The following INPP4A variants were observed in gnomAD, a reference collection of about 807,000 sequenced individuals.
INPP4A encodes inositol polyphosphate-4-phosphatase type I A, also known as inositol polyphosphate-4-phosphatase, type I, 107kD.
In INPP4A, 33 loss-of-function variants were observed where a neutral mutation model predicts 119.8. The observed-to-expected ratio is 0.28, with a 90% CI of 0.21 to 0.37. INPP4A has a LOEUF of 0.37. INPP4A is among the 10% of genes least tolerant of loss of function. INPP4A has a pLI of 1.00. For synonymous variants in INPP4A, 496 were observed against 500.7 expected (o/e 0.99, Z 0.12); for missense variants, 956 against 1,289.9 (o/e 0.74, Z 3.97).
chr2:98,581,355 C>T (rs772184560), intron 24 of INPP4A, among the ~76,000 whole-genome samples: 1 of 152,046 alleles, frequency 6.6e-6, no homozygotes. Flanking sequence ...TTTCCTGTAA[C>T]TGTGCTGGTT....
chr2:98,492,833 A>G (rs1681117443), intron 1 of INPP4A, among the ~76,000 whole-genome samples: 1 of 152,246 alleles, frequency 6.6e-6, no homozygotes, highest in South Asian at 2.1e-4. Flanking sequence ...TTTGCCAAGT[A>G]CTGACTTTGG....
At chr2:98,494,225 C>T (rs78492741) in intron 1 of INPP4A, among the ~76,000 whole-genome samples, 2,353 of 152,258 alleles carry the variant, frequency 0.015, 69 homozygotes, top group African/African-American at 0.054. Context: ...TGTCAGCATC[C>T]CCCTACCTCC....
intron 16 of INPP4A, 116 bp from the exon 17 acceptor site, chr2:98,559,347 T>C: frequency 8.5e-7 from 1 of 1,177,280 alleles, no homozygotes. Flanking sequence ...CTCTTTTCTG[T>C]TTGTTAGCCG....
chr2:98,451,240 G>C (rs1383980581), intron 1 of INPP4A, among the ~76,000 whole-genome samples: 1 of 152,194 alleles, frequency 6.6e-6, no homozygotes, highest in Non-Finnish European at 1.5e-5. Context: ...TTTGCCCACA[G>C]CCCTAACCTG....
intron 1 of INPP4A, among the ~76,000 whole-genome samples, chr2:98,461,416 C>T (rs1697132879): frequency 3.9e-5 from 6 of 152,220 alleles, no homozygotes; most frequent in Admixed American, 3.9e-4. Flanking sequence ...TGCAGGGGTG[C>T]CTGCCCCAGA....
At position 98,544,046 on chromosome 2, in the gene INPP4A, CA is replaced by C. The variant is rs758093220; in HGVS notation, c.949+40del. 345 of 605,562 alleles carry C rather than the reference CA, an allele frequency of 5.7e-4. No individual in the cohort carries two copies. In the African/African-American group the frequency reaches 8.6e-3, roughly 15 times the overall value. The allele number at this position is 605,562 out of a possible 1,614,324, so 37.5% of individuals were successfully genotyped here. A position where few individuals can be genotyped will look rare whatever the true frequency, so the allele number is the denominator to read the frequency against. ...CATGCTGTCACCACACACGCGTGCG[CA>C]CACACACACACACACACTCTCACTC... On this transcript the variant is annotated intron_variant, in intron 11 of 24. Coordinates refer to ENST00000409851, the MANE Select transcript of INPP4A (RefSeq NM_001134225.2).
chr2:98,544,164 T>A (rs1216266409), intron 11 of INPP4A, among the ~76,000 whole-genome samples, 157 bp downstream of exon 11: 1 of 152,238 alleles, frequency 6.6e-6, no homozygotes, highest in Admixed American at 6.5e-5. Flanking sequence ...AATGGATTTT[T>A]AAAAATAACT....
intron 11 of INPP4A, 40 bp from the exon 12 acceptor site, chr2:98,545,929 T>C (rs759612763): frequency 2.1e-6 from 3 of 1,396,998 alleles, no homozygotes; most frequent in Admixed American, 4.2e-5. Context: ...ATGCAGCATG[T>C]ATGCTGATGG....
At chr2:98,514,497 G>A (rs1428529079) in intron 1 of INPP4A, among the ~76,000 whole-genome samples, 1 of 152,130 alleles carries the variant, frequency 6.6e-6, no homozygotes, top group African/African-American at 2.4e-5. Context: ...CCCATGATTA[G>A]AGGGCTGGAA....
At chr2:98,479,872 C>T (rs1179185210) in intron 1 of INPP4A, among the ~76,000 whole-genome samples, 2 of 152,178 alleles carry the variant, frequency 1.3e-5, no homozygotes, top group Non-Finnish European at 2.9e-5. Flanking sequence ...TCAGCTCTCC[C>T]TTGGGCTGTG....
At chr2:98,523,210 A>G (rs1393577289) in intron 4 of INPP4A, among the ~76,000 whole-genome samples, 1 of 152,228 alleles carries the variant, frequency 6.6e-6, no homozygotes, top group Non-Finnish European at 1.5e-5. Flanking sequence ...GACAGTTGGT[A>G]TAATTGAGTT....
intron 4 of INPP4A, among the ~76,000 whole-genome samples, chr2:98,526,281 A>G (rs770576281): frequency 2.6e-5 from 4 of 152,224 alleles, no homozygotes; most frequent in African/African-American, 9.6e-5. Flanking sequence ...AAGTTGTGCT[A>G]TCTTGTTTTG....
chr2:98,485,623 A>G (rs1304972115), intron 1 of INPP4A, among the ~76,000 whole-genome samples: 3 of 152,058 alleles, frequency 2.0e-5, no homozygotes, highest in African/African-American at 7.2e-5. Flanking sequence ...TCTGGTGGTG[A>G]GAACCCAGCT....
intron 24 of INPP4A, among the ~76,000 whole-genome samples, chr2:98,580,521 C>A (rs1699149025): frequency 6.6e-6 from 1 of 152,252 alleles, no homozygotes; most frequent in African/African-American, 2.4e-5. Flanking sequence ...CTGAACCCCT[C>A]GAAGTAGGCC....
At chr2:98,474,605 A>G (rs916811676) in intron 1 of INPP4A, among the ~76,000 whole-genome samples, 4 of 152,176 alleles carry the variant, frequency 2.6e-5, no homozygotes, top group Non-Finnish European at 2.9e-5. Flanking sequence ...TTCTGGCCCT[A>G]GCCCTGGGCC....
At chr2:98,564,203 T>C (rs1395751892) in intron 18 of INPP4A, among the ~76,000 whole-genome samples, 1 of 152,214 alleles carries the variant, frequency 6.6e-6, no homozygotes, top group Non-Finnish European at 1.5e-5. Context: ...TCCTGTTTCA[T>C]CCCATAGAAA....
intron 4 of INPP4A, among the ~76,000 whole-genome samples, chr2:98,532,496 TGGTG>T (rs1689426022): frequency 6.6e-6 from 1 of 152,210 alleles, no homozygotes; most frequent in African/African-American, 2.4e-5. Flanking sequence ...TGTCATTTAA[TGGTG>T]GGGCTACGTT....
At chr2:98,537,767 A>G (rs1690605227) in intron 7 of INPP4A, 96 bp from the exon 8 acceptor site, 5 of 900,718 alleles carry the variant, frequency 5.6e-6, no homozygotes, top group East Asian at 2.7e-5. Flanking sequence ...TGCTGCCCCC[A>G]GGACCCTGAT....
intron 1 of INPP4A, among the ~76,000 whole-genome samples, chr2:98,493,386 T>C (rs1440756085): frequency 6.6e-6 from 1 of 151,818 alleles, no homozygotes; most frequent in Non-Finnish European, 1.5e-5. Context: ...TATTTACTAA[T>C]CAGGATATAT....
Sources: allele counts gnomAD v4.1 joint callset (sites outside exome capture counted in the v4.1 genomes callset), GRCh38; gene constraint gnomAD v4.1.1; transcripts MANE v1.5; gene names NCBI Gene and HGNC (gene_info 2026-07-23, HGNC 2026-07-21).